The following TNS3 variants were observed in gnomAD, a reference collection of about 807,000 sequenced individuals.
The protein encoded by TNS3 is tensin-3.
TNS3 carries 45 observed loss-of-function variants against 140.9 expected under a neutral mutation model. The ratio of observed to expected loss-of-function variants is 0.32; its 90% CI spans 0.25 to 0.41. TNS3 has a LOEUF of 0.41. Among genes scored for constraint, TNS3 ranks in the 10% least tolerant of loss-of-function variants. The pLI is 1.00. For synonymous variants in TNS3, 815 were observed against 788.4 expected (o/e 1.03, Z -0.56); for missense variants, 1,716 against 1,906.7 (o/e 0.90, Z 1.86).
chr7:47,471,343 A>T (rs1796943927), intron 4 of TNS3, among the ~76,000 whole-genome samples: 2 of 152,200 alleles, frequency 1.3e-5, no homozygotes, highest in Non-Finnish European at 2.9e-5. Flanking sequence ...GGCAGGGACC[A>T]TCCTGGTAAC....
At chr7:47,489,961 A>G (rs1797751773) in intron 3 of TNS3, among the ~76,000 whole-genome samples, 1 of 152,328 alleles carries the variant, frequency 6.6e-6, no homozygotes, top group Non-Finnish European at 1.5e-5. Flanking sequence ...AACACTTACC[A>G]CAGTCCTACG....
intron 20 of TNS3, among the ~76,000 whole-genome samples, chr7:47,333,410 T>C (rs1788451070): frequency 1.3e-5 from 2 of 152,226 alleles, no homozygotes; most frequent in African/African-American, 2.4e-5. Flanking sequence ...TATCCAGGCA[T>C]GTCTATTCCT....
intron 15 of TNS3, among the ~76,000 whole-genome samples, chr7:47,398,717 T>C (rs554467668): frequency 6.6e-6 from 1 of 152,266 alleles, no homozygotes; most frequent in East Asian, 1.9e-4. Context: ...GCCAATGTCA[T>C]ACTGAATGGG....
At chr7:47,374,666 G>A (rs565163340) in intron 16 of TNS3, among the ~76,000 whole-genome samples, 15 of 152,318 alleles carry the variant, frequency 9.8e-5, no homozygotes, top group Admixed American at 2.0e-4. Context: ...ACAGGAGCCC[G>A]CACCCTGCTG....
intron 2 of TNS3, among the ~76,000 whole-genome samples, chr7:47,514,272 TGTTA>T (rs1368100252): frequency 6.6e-6 from 1 of 152,230 alleles, no homozygotes; most frequent in Non-Finnish European, 1.5e-5. Flanking sequence ...ATTGTTGCCT[TGTTA>T]GTTTTAAATA....
At chr7:47,349,185 A>G (rs1789518786) in intron 17 of TNS3, among the ~76,000 whole-genome samples, 1 of 152,178 alleles carries the variant, frequency 6.6e-6, no homozygotes, top group Non-Finnish European at 1.5e-5. Flanking sequence ...ACGAAAAACA[A>G]TGTTCTTCAT....
intron 20 of TNS3, among the ~76,000 whole-genome samples, chr7:47,331,061 T>C (rs1788314638): frequency 6.6e-6 from 1 of 152,188 alleles, no homozygotes; most frequent in African/African-American, 2.4e-5. Context: ...ACTGGGCACA[T>C]GACTTAGCAA....
chr7:47,509,067 GGTA>G (rs1450690473), intron 2 of TNS3, among the ~76,000 whole-genome samples: 3 of 152,182 alleles, frequency 2.0e-5, no homozygotes, highest in Non-Finnish European at 4.4e-5. Flanking sequence ...GCTATGTTAA[GGTA>G]CTAACTTTGG....
chr7:47,424,796 C>T (rs567919270), intron 9 of TNS3, among the ~76,000 whole-genome samples: 5 of 152,254 alleles, frequency 3.3e-5, no homozygotes, highest in East Asian at 3.9e-4. Context: ...TCTCAGGCCT[C>T]GGGGCTGCAG....
In TNS3 at chr7:47,406,858, C is replaced by T. The variant is rs560227369; in HGVS notation, c.723+4869G>A. 9.2e-5 allele frequency among the ~76,000 whole-genome samples: 14 copies of T among 152,264 alleles called. No individual in the cohort carries two copies. The South Asian group carries it at 2.9e-3, about 32-fold the overall frequency. On this transcript the variant is annotated intron_variant, in intron 13 of 30. Coordinates refer to ENST00000311160, the MANE Select transcript of TNS3 (RefSeq NM_022748.12). Reference sequence around the variant, plus strand: ...AGTGAACCTGCAGCAGGGCACGTCACGCAGGCACAGGGAAAAACTGAAGGA... The same window carrying T: ...AGTGAACCTGCAGCAGGGCACGTCATGCAGGCACAGGGAAAAACTGAAGGA...
At chr7:47,337,616 GTT>G (rs1788705188) in intron 20 of TNS3, among the ~76,000 whole-genome samples, 1 of 152,216 alleles carries the variant, frequency 6.6e-6, no homozygotes, top group African/African-American at 2.4e-5. Context: ...CATTTGGTCT[GTT>G]CCAGCCCACT....
intron 8 of TNS3, among the ~76,000 whole-genome samples, chr7:47,432,317 G>T (rs763921474): frequency 3.3e-5 from 5 of 152,164 alleles, no homozygotes; most frequent in Non-Finnish European, 5.9e-5. Context: ...GAGGAAGAGA[G>T]ACCTGAGCTA....
At position 47,370,482 on chromosome 7, in the gene TNS3, G is replaced by A. The variant is rs116992534; in HGVS notation, c.1025-861C>T. ...CTGATTTCCATACATGGAATGTCAG[G>A]AAAATGAAACTTTGAACTAAAGTGT... is the stretch of plus-strand genomic sequence containing the variant. On this transcript the variant is annotated intron_variant, in intron 16 of 30. Coordinates refer to ENST00000311160, the MANE Select transcript of TNS3 (RefSeq NM_022748.12). Among the ~76,000 whole-genome samples, 623 of 152,276 alleles carry A rather than the reference G, an allele frequency of 4.1e-3. 2 individuals carry two copies. In the Middle Eastern group the frequency reaches 0.054, roughly 13 times the overall value.
intron 4 of TNS3, among the ~76,000 whole-genome samples, chr7:47,463,093 GA>G (rs1430463085): frequency 1.5e-4 from 23 of 152,284 alleles, no homozygotes; most frequent in African/African-American, 5.3e-4. Context: ...GTCTCTAGGA[GA>G]AATACAGGGT....
chr7:47,393,371 G>C (rs1215369877), intron 16 of TNS3, among the ~76,000 whole-genome samples: 1 of 152,194 alleles, frequency 6.6e-6, no homozygotes, highest in African/African-American at 2.4e-5. Context: ...TCAGGAGGAG[G>C]GGATGCAGAT....
At chr7:47,352,970 G>A (rs1222577429) in intron 17 of TNS3, among the ~76,000 whole-genome samples, 1 of 152,188 alleles carries the variant, frequency 6.6e-6, no homozygotes, top group Non-Finnish European at 1.5e-5. Flanking sequence ...AAGCACTTTT[G>A]CTTCACACTC....
At chr7:47,338,738 A>C (rs1027162351) in intron 20 of TNS3, among the ~76,000 whole-genome samples, 2 of 152,210 alleles carry the variant, frequency 1.3e-5, no homozygotes, top group South Asian at 2.1e-4. Flanking sequence ...TATCCAATTC[A>C]CTGTTGATGG....
chr7:47,550,402 C>A (rs574210499), intron 1 of TNS3, among the ~76,000 whole-genome samples: 3 of 152,308 alleles, frequency 2.0e-5, no homozygotes, highest in African/African-American at 7.2e-5. Context: ...GCAGCCAGAC[C>A]ACAGGATCCG....
Position 47,278,203 on chromosome 7 carries a change from G to A in TNS3, c.4211C>T (p.Ala1404Val). The change falls in exon 31 of 31, where the codon GCC becomes GTC. Residue 1404 changes from alanine to valine, a missense_variant. Physicochemically the swap from Ala to Val is moderately conservative, Grantham distance 64 (BLOSUM62 0). Coordinates refer to ENST00000311160, the MANE Select transcript of TNS3 (RefSeq NM_022748.12). ...GPSSKVFGFVARKQGSATDNV... is the reference protein window; with the variant it reads ...GPSSKVFGFVVRKQGSATDNV... The stretch of plus-strand genomic sequence containing the variant: ...ATCCGTGGCACTGCCCTGCTTCCGG[G>A]CCACAAATCCAAAGACTCTGCCAAA... 6.2e-7 allele frequency: 1 copy of A among 1,613,932 alleles called. No individual in the cohort carries two copies. The highest frequency in any genetic ancestry group is 8.5e-7 in the Non-Finnish European group (1 of 1,179,934).
Sources: allele counts gnomAD v4.1 joint callset (sites outside exome capture counted in the v4.1 genomes callset), GRCh38; gene constraint gnomAD v4.1.1; transcripts MANE v1.5; gene names NCBI Gene and HGNC (gene_info 2026-07-23, HGNC 2026-07-21).